ZSCAN1: variants seen among roughly 807,000 people sequenced by gnomAD.
ZSCAN1 encodes the protein zinc finger and SCAN domain containing 1.
ZSCAN1 carries 23 observed loss-of-function variants against 23.8 expected under a neutral mutation model. That is an observed-to-expected ratio of 0.97 (90% CI 0.70 to 1.37). The LOEUF (loss-of-function observed/expected upper bound fraction) is 1.37. Among genes scored for constraint, ZSCAN1 ranks in the 40% most tolerant of loss-of-function variants. ZSCAN1 has a pLI of 0.00. For missense variants in ZSCAN1, 575 were observed against 554.0 expected, an observed-to-expected ratio of 1.04 and a Z score of -0.38; for synonymous variants, 236 against 232.3, an observed-to-expected ratio of 1.02 and a Z score of -0.15.
Position 58,053,711 on chromosome 19 carries a change from A to G in ZSCAN1, c.887A>G (p.Asp296Gly), listed in dbSNP as rs1470905317. 3 of 1,614,032 alleles carry G rather than the reference A, an allele frequency of 1.9e-6. No homozygotes were observed. Residue 296 changes from aspartate (D) to glycine (G), a missense_variant, in exon 6 of 6, where the codon GAC becomes GGC. By Grantham distance (94) the Asp-to-Gly change is moderately conservative (BLOSUM62 -1). Coordinates refer to ENST00000282326, the MANE Select transcript of ZSCAN1 (RefSeq NM_182572.4). This position sits in a 1 kb window ranked among gnomAD's most constrained non-coding sequence, Gnocchi z 5.8. ...GGTGGGCGGCCCTTCCAGTGTGCCG[A>G]CTGTGGGATGGTCTTCACCTGGGTC... ...PRGGRPFQCA[D>G]CGMVFTWVTH...
intron 4 of ZSCAN1, chr19:58,046,799 C>T (rs1213732709): frequency 3.0e-5 from 22 of 745,618 alleles, no homozygotes; most frequent in Non-Finnish European, 9.9e-6. Context: ...TGTCCTCCTG[C>T]TGCACTGCCA....
At position 58,045,420 on chromosome 19, in the gene ZSCAN1, G is replaced by A. The variant is rs1000662220; in HGVS notation, c.465+4876G>A. ...GGCCTTGAAGAACGAGGCAGCCAAGGGCAGTGCCACCAAAGACTTCTCTGT... is the reference window on the plus strand; with the variant it reads ...GGCCTTGAAGAACGAGGCAGCCAAGAGCAGTGCCACCAAAGACTTCTCTGT... On this transcript the variant is annotated intron_variant, in intron 4 of 5. Transcript: ENST00000282326. This position sits in a 1 kb window ranked among gnomAD's most constrained non-coding sequence, Gnocchi z 4.3. 3.4e-5 allele frequency: 35 copies of A among 1,023,112 alleles called. No homozygotes were observed. In the African/African-American group the frequency reaches 4.4e-4, roughly 13 times the overall value. 63.4% of individuals were successfully genotyped at this position (1,023,112 alleles called of 1,614,324 possible). A position where few individuals can be genotyped will look rare whatever the true frequency, so the allele number is the denominator to read the frequency against.
At chr19:58,046,551 T>A in intron 4 of ZSCAN1, 2 of 906,784 alleles carry the variant, frequency 2.2e-6, no homozygotes, top group Non-Finnish European at 3.8e-6. Flanking sequence ...TCAAGCACAT[T>A]CCCAAAAGCA....
In ZSCAN1 at chr19:58,054,029, ACACGGCC is replaced by A; in HGVS notation, c.1213_1219del (p.His405ThrfsTer43). The A allele has an allele frequency of 2.0e-6, 3 of 1,535,612 alleles. No individual in the cohort carries two copies. In the South Asian group the frequency reaches 3.8e-5, roughly 19 times the overall value. On this transcript the variant is annotated frameshift_variant, in exon 6 of 6. Coordinates refer to ENST00000282326, the MANE Select transcript of ZSCAN1 (RefSeq NM_182572.4). LOFTEE classifies it high-confidence loss of function. The surrounding 1 kb of genome is among the most constrained non-coding windows in gnomAD (Gnocchi z 4.2). ...CACCTCATTGACCACCAGAAGCTCC[ACACGGCC>A]CACGGCCACATGTGAATGGCCAGCC...
chr19:58,045,722 C>A lies in ZSCAN1; in HGVS notation c.465+5178C>A. The A allele has an allele frequency of 9.2e-7, 1 of 1,089,526 alleles. No homozygotes were observed. Among genetic ancestry groups the A allele is most frequent in the Non-Finnish European group, 1.4e-6 (1 of 704,718 alleles). 67.5% of individuals were successfully genotyped at this position (1,089,526 alleles called of 1,614,324 possible). A position where few individuals can be genotyped will look rare whatever the true frequency, so the allele number is the denominator to read the frequency against. ...GCATGTCGGGCACGAGGCATGCGGG[C>A]CCTGGGCGTCAGGGAAAACCACCTG... On this transcript the variant is annotated intron_variant, in intron 4 of 5. Coordinates refer to ENST00000282326, the MANE Select transcript of ZSCAN1 (RefSeq NM_182572.4). This position sits in a 1 kb window ranked among gnomAD's most constrained non-coding sequence, Gnocchi z 4.3.
At position 58,053,580 on chromosome 19, in the gene ZSCAN1, C is replaced by T. The variant is rs139735694; in HGVS notation, c.756C>T (p.Asn252=). ...SAQRISPRRR[N]RNTDQSGRHQ... ...AGAGAATCAGTCCCCGAAGGAGAAA[C>T]AGGAACACTGACCAGAGCGGCCGCC... The change falls in exon 6 of 6, where the codon AAC becomes AAT. Residue 252 remains asparagine (N), a synonymous_variant. Coordinates refer to ENST00000282326, the MANE Select transcript of ZSCAN1 (RefSeq NM_182572.4). The surrounding 1 kb of genome is among the most constrained non-coding windows in gnomAD (Gnocchi z 5.8). 1.6e-4 allele frequency: 253 copies of T among 1,614,176 alleles called. No individual in the cohort carries two copies. In the African/African-American group the frequency reaches 2.8e-3, roughly 18 times the overall value.
chr19:58,034,775 G>A (rs1190618260), intron 1 of ZSCAN1, among the ~76,000 whole-genome samples: 1 of 102,830 alleles, frequency 9.7e-6, no homozygotes, highest in East Asian at 3.4e-4. Flanking sequence ...CCAACCAGCC[G>A]TCCACAGCCG....
Position 58,053,456 on chromosome 19 carries a change from C to A in ZSCAN1, c.632C>A (p.Pro211Gln). The A allele has an allele frequency of 3.7e-6, 6 of 1,611,872 alleles. No individual in the cohort carries two copies. The East Asian group carries it at 1.3e-4, about 36-fold the overall frequency. The change falls in exon 6 of 6, where the codon CCG becomes CAG. Residue 211 changes from proline to glutamine, a missense_variant. By Grantham distance (76) the Pro-to-Gln change is moderately conservative. Coordinates refer to ENST00000282326, the MANE Select transcript of ZSCAN1 (RefSeq NM_182572.4). The surrounding 1 kb of genome is among the most constrained non-coding windows in gnomAD (Gnocchi z 5.8). ...TCCCGGGCCCGCTTGCCTCTGAAGCCGAGTATCTGGGACGAGCCTGAGGAC... is the reference window on the plus strand; with the variant it reads ...TCCCGGGCCCGCTTGCCTCTGAAGCAGAGTATCTGGGACGAGCCTGAGGAC... ...LGSRARLPLK[P>Q]SIWDEPEDLL...
chr19:58,053,377 T>G lies in ZSCAN1; in HGVS notation c.605-52T>G. On this transcript the variant is annotated intron_variant, in intron 5 of 5. Transcript: ENST00000282326. The surrounding 1 kb of genome is among the most constrained non-coding windows in gnomAD (Gnocchi z 5.8). ...CGTGCCCCTGGGGAGCACAGGGAGA[T>G]GCCAAGGCCATCCACTCACTACAGG... 6.4e-7 allele frequency: 1 copy of G among 1,563,122 alleles called. No individual in the cohort carries two copies. Among genetic ancestry groups the G allele is most frequent in the Non-Finnish European group, 8.7e-7 (1 of 1,151,934 alleles).
rs780281468 is a variant in ZSCAN1, at chr19:58,038,043, C to G, written c.207C>G (p.Pro69=). ...CGCTGTGCCGCCAGTGGCTGAGGCC[C>G]GAGGCGCGCTCCAAGGAGCAGATGC... ...LWTLCRQWLR[P]EARSKEQMLE... is the part of the protein sequence containing the mutation. Residue 69 remains proline (P), a synonymous_variant, in exon 3 of 6, where the codon CCC becomes CCG. Transcript: ENST00000282326. The G allele has an allele frequency of 1.1e-5, 17 of 1,611,646 alleles. No homozygotes were observed. Among genetic ancestry groups the G allele is most frequent in the Non-Finnish European group, 1.4e-5 (17 of 1,179,746 alleles).
At chr19:58,035,174 C>T (rs1010369860) in intron 1 of ZSCAN1, among the ~76,000 whole-genome samples, 2 of 152,216 alleles carry the variant, frequency 1.3e-5, no homozygotes, top group South Asian at 2.1e-4. Context: ...AGGGCCACCA[C>T]AGCATTGCCC....
chr19:58,041,801 A>G (rs1321311634), intron 4 of ZSCAN1, among the ~76,000 whole-genome samples: 2 of 152,168 alleles, frequency 1.3e-5, no homozygotes, highest in African/African-American at 4.8e-5. Context: ...ACTTGAGCCC[A>G]GGAGTTCAAG....
In ZSCAN1 at chr19:58,052,424, C is replaced by CGGT. The variant is rs1474342410; in HGVS notation, c.466-57_466-55dup. 1.5e-5 allele frequency: 24 copies of CGGT among 1,609,184 alleles called. No homozygotes were observed. The East Asian group carries it at 4.9e-4, about 33-fold the overall frequency. On this transcript the variant is annotated intron_variant, in intron 4 of 5. Coordinates refer to ENST00000282326, the MANE Select transcript of ZSCAN1 (RefSeq NM_182572.4). ...GGATGACGCCCGTTCCTTGGTTGTT[C>CGGT]GGTGGTGGTGGGGAGGATGGCTCCT...
chr19:58,043,676 CTCT>C (rs2073805139), intron 4 of ZSCAN1, among the ~76,000 whole-genome samples: 3 of 151,752 alleles, frequency 2.0e-5, no homozygotes, highest in African/African-American at 7.3e-5. Flanking sequence ...CTTAGACTGA[CTCT>C]CACTCTGTCA....
In ZSCAN1 at chr19:58,038,119, C is replaced by G; in HGVS notation, c.283C>G (p.Arg95Gly). Residue 95 changes from arginine to glycine, a missense_variant, in exon 3 of 6, where the codon CGG (arginine) becomes GGG (glycine). Coordinates refer to ENST00000282326, the MANE Select transcript of ZSCAN1 (RefSeq NM_182572.4). ...CCTGGGCGCGCTGCCCAGCAAGATG[C>G]GGACCTGGGTGCAGTCACAGGGCCC... is the stretch of plus-strand genomic sequence containing the variant. ...QFLGALPSKM[R>G]TWVQSQGPRS... 1.2e-6 allele frequency: 2 copies of G among 1,610,326 alleles called. No individual in the cohort carries two copies. The highest frequency in any genetic ancestry group is 1.7e-6 in the Non-Finnish European group (2 of 1,179,588).
intron 3 of ZSCAN1, among the ~76,000 whole-genome samples, chr19:58,039,348 C>A (rs2073766915): frequency 6.6e-6 from 1 of 152,218 alleles, no homozygotes; most frequent in Non-Finnish European, 1.5e-5. Context: ...TGGTCACTCT[C>A]AAAATTCAAC....
rs775194762 is a variant in ZSCAN1, at chr19:58,040,537, C to T, written c.458C>T (p.Pro153Leu). 5.0e-6 allele frequency: 8 copies of T among 1,613,384 alleles called. No individual in the cohort carries two copies. Among genetic ancestry groups the T allele is most frequent in the South Asian group, 1.1e-5 (1 of 91,076 alleles). The change falls in exon 4 of 6, where the codon CCA (proline) becomes CTA (leucine). Residue 153 changes from proline to leucine, a missense_variant. Transcript: ENST00000282326. This position sits in a 1 kb window ranked among gnomAD's most constrained non-coding sequence, Gnocchi z 5.8. The stretch of plus-strand genomic sequence containing the variant: ...AAGAGTCCAAGGTCCCAGAAAGAAC[C>T]ATCGCAGGTGAGCCCGGGGCCCCCA... ...DGKSPRSQKEPSQASELILDA... is the reference protein window; with the variant it reads ...DGKSPRSQKELSQASELILDA...
chr19:58,045,358 A>G lies in ZSCAN1; in HGVS notation c.465+4814A>G, dbSNP rs2073818446. 20 of 819,256 alleles carry G rather than the reference A, an allele frequency of 2.4e-5. No individual in the cohort carries two copies. The highest frequency in any genetic ancestry group is 3.5e-5 in the Non-Finnish European group (16 of 453,716). 50.7% of individuals were successfully genotyped at this position (819,256 alleles called of 1,614,324 possible). A position where few individuals can be genotyped will look rare whatever the true frequency, so the allele number is the denominator to read the frequency against. On this transcript the variant is annotated intron_variant, in intron 4 of 5. Coordinates refer to ENST00000282326, the MANE Select transcript of ZSCAN1 (RefSeq NM_182572.4). This position sits in a 1 kb window ranked among gnomAD's most constrained non-coding sequence, Gnocchi z 4.3. The stretch of plus-strand genomic sequence containing the variant: ...CTGAAGGAGCTTCAGGTCAAGCTGG[A>G]GCTAGCCGAGTTCCTCCAGGACACC...
Position 58,038,138 on chromosome 19 carries a change from A to T in ZSCAN1, c.302A>T (p.Gln101Leu). ...PSKMRTWVQS[Q>L]GPRSCREAAS... The stretch of plus-strand genomic sequence containing the variant: ...AAGATGCGGACCTGGGTGCAGTCAC[A>T]GGGCCCCCGAAGCTGCAGGGAGGCC... The change falls in exon 3 of 6, where the codon CAG (glutamine) becomes CTG (leucine). Residue 101 changes from glutamine (Q) to leucine (L), a missense_variant. Coordinates refer to ENST00000282326, the MANE Select transcript of ZSCAN1 (RefSeq NM_182572.4). 1.2e-6 allele frequency: 2 copies of T among 1,609,344 alleles called. No individual in the cohort carries two copies. Among genetic ancestry groups the T allele is most frequent in the Non-Finnish European group, 1.7e-6 (2 of 1,179,218 alleles).
Sources: allele counts gnomAD v4.1 joint callset (sites outside exome capture counted in the v4.1 genomes callset), GRCh38; gene constraint gnomAD v4.1.1; non-coding constraint Gnocchi (gnomAD v3.1); transcripts MANE v1.5; gene names NCBI Gene and HGNC (gene_info 2026-07-23, HGNC 2026-07-21).